The following SPIDR variants were observed in gnomAD, a reference collection of about 807,000 sequenced individuals.
SPIDR encodes the protein scaffold protein involved in DNA repair.
Under a neutral mutation model 104.6 loss-of-function variants are expected in SPIDR, and 93 were observed. The ratio of observed to expected loss-of-function variants is 0.89; its 90% CI spans 0.75 to 1.06. SPIDR has a LOEUF of 1.06. Ranked by LOEUF, SPIDR falls within the 50% of genes least tolerant of loss-of-function variation. The pLI is 0.00. For missense variants in SPIDR, 1,154 were observed against 1,111.2 expected, an observed-to-expected ratio of 1.04 and a Z score of -0.55; for synonymous variants, 431 against 416.9, an observed-to-expected ratio of 1.03 and a Z score of -0.41.
chr8:47,268,947 A>C (rs1462466550), intron 1 of SPIDR, among the ~76,000 whole-genome samples: 1 of 152,078 alleles, frequency 6.6e-6, no homozygotes, highest in Non-Finnish European at 1.5e-5. Flanking sequence ...CGGGTGGATC[A>C]CTTCAGCCTA....
chr8:47,334,435 ACT>A (rs772469047), intron 5 of SPIDR, among the ~76,000 whole-genome samples: 1 of 152,082 alleles, frequency 6.6e-6, no homozygotes, highest in Non-Finnish European at 1.5e-5. Context: ...TTATGTTAAC[ACT>A]CTGTTGATAG....
intron 8 of SPIDR, among the ~76,000 whole-genome samples, chr8:47,577,941 T>C (rs2059309867): frequency 6.6e-6 from 1 of 152,162 alleles, no homozygotes; most frequent in South Asian, 2.1e-4. Flanking sequence ...CTGGGAGATA[T>C]AAGGCTGTAA....
chr8:47,399,453 T>C (rs1331795455), intron 6 of SPIDR, among the ~76,000 whole-genome samples: 1 of 152,118 alleles, frequency 6.6e-6, no homozygotes, highest in Non-Finnish European at 1.5e-5. Flanking sequence ...TCTATTCCAG[T>C]AAATAGGGCA....
rs528607871 is a variant in SPIDR, at chr8:47,667,440, G to GAAAAA, written c.1545-6340_1545-6336dup. Among the ~76,000 whole-genome samples the GAAAAA allele has an allele frequency of 1.5e-4, 8 of 52,632 alleles. No homozygotes were observed. In the South Asian group the frequency reaches 2.7e-3, roughly 18 times the overall value. The allele number at this position is 52,632 out of a possible 152,430, so 34.5% of individuals were successfully genotyped here. On this transcript the variant is annotated intron_variant, in intron 10 of 19. Transcript: ENST00000297423. ...AGCAAGACCTCGTCTCTTCAAAAGG[G>GAAAAA]AAAAAAAAAAAAAAAAAAAAAAAAA...
rs1160790677 is a variant in SPIDR at position 47,700,854 on chromosome 8, A to G, written c.1773+364A>G. ...GAACTTCTAGTCATTCATAGAACCA[A>G]CACTCAGTTACCAATTGGAGCAGGA... On this transcript the variant is annotated intron_variant, in intron 12 of 19. Coordinates refer to ENST00000297423, the MANE Select transcript of SPIDR (RefSeq NM_001080394.4). Among the ~76,000 whole-genome samples the G allele has an allele frequency of 2.6e-5, 4 of 152,346 alleles. No homozygotes were observed. In the South Asian group the frequency reaches 6.2e-4, roughly 24 times the overall value.
Position 47,459,814 on chromosome 8 carries a change from A to C in SPIDR, c.1097+19272A>C, listed in dbSNP as rs548453023. Among the ~76,000 whole-genome samples, 70 of 152,276 alleles carry C rather than the reference A, an allele frequency of 4.6e-4. 3 individuals are homozygous for C. The South Asian group carries it at 0.014, about 31-fold the overall frequency. Reference sequence around the variant, plus strand: ...CTTACCACCACCTTTGCCGTCTCCCAGGGCTTTTGATAGGTTGTGTCACTA... The same window carrying C: ...CTTACCACCACCTTTGCCGTCTCCCCGGGCTTTTGATAGGTTGTGTCACTA... On this transcript the variant is annotated intron_variant, in intron 8 of 19. Coordinates refer to ENST00000297423, the MANE Select transcript of SPIDR (RefSeq NM_001080394.4).
At chr8:47,356,071 G>T (rs2154286035) in intron 5 of SPIDR, among the ~76,000 whole-genome samples, 1 of 152,308 alleles carries the variant, frequency 6.6e-6, no homozygotes, top group Non-Finnish European at 1.5e-5. Context: ...AATGAATGTA[G>T]CAGACACAAC....
chr8:47,282,467 A>C (rs946346774), intron 2 of SPIDR, among the ~76,000 whole-genome samples: 3 of 152,210 alleles, frequency 2.0e-5, no homozygotes, highest in Non-Finnish European at 2.9e-5. Flanking sequence ...ATTACCTTGT[A>C]CTTTTATGTT....
intron 8 of SPIDR, among the ~76,000 whole-genome samples, chr8:47,472,024 T>C (rs182984378): frequency 5.9e-5 from 9 of 152,348 alleles, no homozygotes; most frequent in Admixed American, 5.2e-4. Flanking sequence ...TGCAGACTTT[T>C]ACATTCATGT....
At chr8:47,415,052 C>T (rs1014747188) in intron 7 of SPIDR, among the ~76,000 whole-genome samples, 9 of 151,964 alleles carry the variant, frequency 5.9e-5, no homozygotes, top group East Asian at 1.9e-4. Flanking sequence ...TACAGGCACC[C>T]GCCACCACGC....
At chr8:47,521,980 A>G (rs932616821) in intron 8 of SPIDR, among the ~76,000 whole-genome samples, 2 of 151,658 alleles carry the variant, frequency 1.3e-5, no homozygotes, top group Non-Finnish European at 2.9e-5. Context: ...CCTGGCCAAC[A>G]TGGTGAAACC....
chr8:47,490,331 T>C (rs182285010), intron 8 of SPIDR, among the ~76,000 whole-genome samples: 2,763 of 152,192 alleles, frequency 0.018, 87 homozygotes, highest in African/African-American at 0.064. Context: ...TGGCGATCAT[T>C]AAAAAGTCAG....
chr8:47,324,895 G>C (rs1168155707), intron 5 of SPIDR, among the ~76,000 whole-genome samples: 1 of 152,112 alleles, frequency 6.6e-6, no homozygotes, highest in Admixed American at 6.6e-5. Flanking sequence ...TCCAGGTGCT[G>C]GCAGGGTTGA....
At chr8:47,371,182 C>T (rs1236045612) in intron 5 of SPIDR, among the ~76,000 whole-genome samples, 1 of 150,532 alleles carries the variant, frequency 6.6e-6, no homozygotes, top group African/African-American at 2.4e-5. Context: ...AGTATAGATG[C>T]CACTACATGA....
chr8:47,468,536 C>A (rs1564059517), intron 8 of SPIDR, among the ~76,000 whole-genome samples: 3 of 152,040 alleles, frequency 2.0e-5, no homozygotes, highest in Non-Finnish European at 2.9e-5. Context: ...ATAAACAACC[C>A]AAAAATAAGG....
At chr8:47,394,907 T>G (rs1410510335) in intron 5 of SPIDR, among the ~76,000 whole-genome samples, 4 of 152,140 alleles carry the variant, frequency 2.6e-5, no homozygotes, top group African/African-American at 9.7e-5. Flanking sequence ...AAAACTAAAA[T>G]GGTGAGGACA....
chr8:47,653,339 G>A (rs573019325), intron 10 of SPIDR, among the ~76,000 whole-genome samples: 1 of 152,292 alleles, frequency 6.6e-6, no homozygotes, highest in South Asian at 2.1e-4. Context: ...TTTCAGTGAT[G>A]AATAGGCATG....
intron 8 of SPIDR, among the ~76,000 whole-genome samples, chr8:47,516,021 G>A (rs2083079611): frequency 6.6e-6 from 1 of 152,238 alleles, no homozygotes; most frequent in Admixed American, 6.5e-5. Context: ...GTATTAGCCA[G>A]GATGGTCTCG....
At chr8:47,524,731 A>G (rs1329748235) in intron 8 of SPIDR, among the ~76,000 whole-genome samples, 2 of 152,360 alleles carry the variant, frequency 1.3e-5, no homozygotes, top group South Asian at 4.1e-4. Flanking sequence ...TTGCTACTGC[A>G]TGATGTCAGA....
Sources: gnomAD v4.1 joint callset for allele counts (sites outside exome capture counted in the v4.1 genomes callset) on GRCh38, gnomAD v4.1.1 for gene constraint, MANE v1.5 for transcripts, NCBI Gene and HGNC (gene_info 2026-07-23, HGNC 2026-07-21) for gene names.